The following NUMA1 variants were observed in gnomAD, a reference collection of about 807,000 sequenced individuals.
The protein encoded by NUMA1 is nuclear mitotic apparatus protein 1.
A neutral mutation model predicts 237.1 loss-of-function variants in NUMA1; 62 were observed. That is an observed-to-expected ratio of 0.26 (90% CI 0.21 to 0.32). NUMA1 has a LOEUF of 0.32. NUMA1 is among the 10% of genes least tolerant of loss of function. The pLI, the probability that NUMA1 is intolerant of heterozygous loss-of-function variation, is 1.00. For missense variants in NUMA1, 2,533 were observed against 2,666.5 expected, an observed-to-expected ratio of 0.95 and a Z score of 1.10; for synonymous variants, 1,028 against 1,066.1, an observed-to-expected ratio of 0.96 and a Z score of 0.70.
rs1298287448 is a variant in NUMA1, at chr11:72,003,135, A to AC, written c.*391dup. ...GTGAGGGCCCCTGCTGGGCCCAGCC[A>AC]CCAGGACAGCAGGAACCAGGGCCTA... is the stretch of plus-strand genomic sequence containing the variant. On this transcript the variant is annotated 3_prime_UTR_variant, in exon 27 of 27. Transcript: ENST00000393695. 2 of 279,958 alleles carry AC rather than the reference A, an allele frequency of 7.1e-6. No individual in the cohort carries two copies. Among genetic ancestry groups the AC allele is most frequent in the African/African-American group, 4.3e-5 (2 of 46,628 alleles). 17.3% of individuals were successfully genotyped at this position (279,958 alleles called of 1,614,324 possible). A position where few individuals can be genotyped will look rare whatever the true frequency, so the allele number is the denominator to read the frequency against.
rs543437155 is a variant in NUMA1 at position 72,027,880 on chromosome 11, C to A, written c.128+1325G>T. 4.9e-4 allele frequency among the ~76,000 whole-genome samples: 75 copies of A among 152,204 alleles called. 1 individual carries two copies. The highest frequency in any genetic ancestry group is 6.2e-4 in the South Asian group (3 of 4,816). ...GGATGTGAGCAGAGAGGATGATGAC[C>A]AATTAGAGATCAGCGCCAAGGAGAC... On this transcript the variant is annotated intron_variant, in intron 4 of 26. Transcript: ENST00000393695.
chr11:72,010,862 G>A lies in NUMA1; in HGVS notation c.4651-8C>T, dbSNP rs764575178. 14 of 1,612,984 alleles carry A rather than the reference G, an allele frequency of 8.7e-6. No individual in the cohort carries two copies. Among genetic ancestry groups the A allele is most frequent in the Admixed American group, 1.7e-5 (1 of 59,996 alleles). On this transcript the variant is annotated splice_polypyrimidine_tract_variant and splice_region_variant and intron_variant, in intron 16 of 26. Coordinates refer to ENST00000393695, the MANE Select transcript of NUMA1 (RefSeq NM_006185.4). ...CTTACTCAGTTCTTCCACCTGGGGAGGGAAGAGGAGGACAGAAGACTCAGG... is the reference window on the plus strand; with the variant it reads ...CTTACTCAGTTCTTCCACCTGGGGAAGGAAGAGGAGGACAGAAGACTCAGG...
intron 14 of NUMA1, 49 bp downstream of exon 14, chr11:72,016,359 G>GT (rs1340871959): frequency 6.2e-7 from 1 of 1,605,582 alleles, no homozygotes; most frequent in Admixed American, 1.7e-5. Context: ...TGTACTGAAT[G>GT]TGAGTCCACA....
intron 2 of NUMA1, among the ~76,000 whole-genome samples, chr11:72,058,418 T>C (rs1353213296): frequency 6.6e-6 from 1 of 152,188 alleles, no homozygotes; most frequent in Non-Finnish European, 1.5e-5. Context: ...CATCAATAAC[T>C]AAAATTCTAA....
At chr11:72,048,227 G>A (rs980503558) in intron 2 of NUMA1, among the ~76,000 whole-genome samples, 2 of 152,138 alleles carry the variant, frequency 1.3e-5, no homozygotes, top group Non-Finnish European at 2.9e-5. Flanking sequence ...CTCCCGAGTA[G>A]CTGGGATAAT....
At chr11:72,022,532 T>A in intron 6 of NUMA1, 113 bp from the exon 7 acceptor site, 1 of 672,226 alleles carries the variant, frequency 1.5e-6, no homozygotes, top group Non-Finnish European at 2.6e-6. Context: ...CTAAAAGTCC[T>A]GGAATTCAGC....
intron 3 of NUMA1, among the ~76,000 whole-genome samples, chr11:72,034,505 G>C (rs1472787703): frequency 6.6e-6 from 1 of 151,864 alleles, no homozygotes; most frequent in Non-Finnish European, 1.5e-5. Flanking sequence ...TCAGGAGATC[G>C]AGACCATCCT....
Position 72,014,782 on chromosome 11 carries a change from T to C in NUMA1, c.2721A>G (p.Glu907=), listed in dbSNP as rs774047056. The C allele has an allele frequency of 1.6e-5, 26 of 1,614,072 alleles. No homozygotes were observed. The highest frequency in any genetic ancestry group is 5.1e-6 in the Non-Finnish European group (6 of 1,180,038). Residue 907 remains glutamate (E), a synonymous_variant, in exon 15 of 27, where the codon GAA becomes GAG. Transcript: ENST00000393695. The surrounding 1 kb of genome is among the most constrained non-coding windows in gnomAD (Gnocchi z 4.6). The part of the protein sequence containing the change: ...KLADDLSTLQ[E]KMAATSKEVA... ...CCTCTTTGCTGGTGGCAGCCATCTT[T>C]TCCTGCAGAGTGGAGAGGTCATCTG...
At position 72,016,479 on chromosome 11, in the gene NUMA1, C is replaced by T; in HGVS notation, c.1171G>A (p.Glu391Lys). Residue 391 changes from glutamate (E) to lysine (K), a missense_variant, in exon 14 of 27, where the codon GAA becomes AAA. Coordinates refer to ENST00000393695, the MANE Select transcript of NUMA1 (RefSeq NM_006185.4). Reference sequence around the variant, plus strand: ...TCCTGCAGCTGGGACAAGTGTTCTTCCAGCTGTGAAAGTTTTCCCTGAAGG... The same window carrying T: ...TCCTGCAGCTGGGACAAGTGTTCTTTCAGCTGTGAAAGTTTTCCCTGAAGG... ...EILQGKLSQL[E>K]EHLSQLQDNP... 6.2e-7 allele frequency: 1 copy of T among 1,614,090 alleles called. No homozygotes were observed. Among genetic ancestry groups the T allele is most frequent in the Non-Finnish European group, 8.5e-7 (1 of 1,180,046 alleles).
intron 6 of NUMA1, 102 bp from the exon 7 acceptor site, chr11:72,022,521 T>G: frequency 1.4e-6 from 1 of 723,680 alleles, no homozygotes; most frequent in Non-Finnish European, 2.4e-6. Flanking sequence ...CGGTGACTCT[T>G]CTAAAAGTCC....
intron 2 of NUMA1, among the ~76,000 whole-genome samples, chr11:72,043,806 C>A (rs1941837393): frequency 6.6e-6 from 1 of 151,970 alleles, no homozygotes; most frequent in Non-Finnish European, 1.5e-5. Flanking sequence ...AAATTAGTGT[C>A]TTTTTTAGTG....
At chr11:72,030,724 A>C (rs1344986963) in intron 3 of NUMA1, among the ~76,000 whole-genome samples, 2 of 152,216 alleles carry the variant, frequency 1.3e-5, no homozygotes, top group Non-Finnish European at 2.9e-5. Context: ...GCTTTAAGAA[A>C]CAAGGTATTT....
chr11:72,075,512 C>T (rs1565300891), intron 1 of NUMA1, among the ~76,000 whole-genome samples: 1 of 152,194 alleles, frequency 6.6e-6, no homozygotes, highest in Non-Finnish European at 1.5e-5. Context: ...CCTGAGAAAC[C>T]AGCAGCACCA....
rs12293529 is a variant in NUMA1 at position 72,044,605 on chromosome 11, G to T, written c.-32-8630C>A. 2.7e-4 allele frequency among the ~76,000 whole-genome samples: 41 copies of T among 151,306 alleles called. 1 individual carries two copies. The highest frequency in any genetic ancestry group is 1.2e-3 in the East Asian group (6 of 5,152). On this transcript the variant is annotated intron_variant, in intron 2 of 26. Transcript: ENST00000393695. Reference sequence around the variant, plus strand: ...TAACAGTTAACAGGGGTTACTTTGGGGGGGGGGAGGAGTTAGATTGTAGGG... The same window carrying T: ...TAACAGTTAACAGGGGTTACTTTGGTGGGGGGGAGGAGTTAGATTGTAGGG...
Position 72,003,869 on chromosome 11 carries a change from T to C in NUMA1, c.6336+18A>G, listed in dbSNP as rs750247937. 1 of 1,612,502 alleles carries C rather than the reference T, an allele frequency of 6.2e-7. No homozygotes were observed. On this transcript the variant is annotated intron_variant, in intron 26 of 26. Coordinates refer to ENST00000393695, the MANE Select transcript of NUMA1 (RefSeq NM_006185.4). ...GCTCTCATCGGGTTTCCCTCCCCCA[T>C]CCTGCCAGTGCCTCTACCTTGCCCT...
intron 2 of NUMA1, chr11:72,049,560 A>ATATATATATATATATATATATAGAT (rs59229987): frequency 2.4e-5 from 1 of 41,004 alleles, no homozygotes; most frequent in East Asian, 6.7e-4. Flanking sequence ...AAATAATAAT[A>ATATATATATATATATATATATAGAT]ATATATATAT....
At chr11:72,009,540 G>A (rs997372236) in intron 17 of NUMA1, among the ~76,000 whole-genome samples, 153 bp from the exon 18 acceptor site, 3 of 152,170 alleles carry the variant, frequency 2.0e-5, no homozygotes, top group African/African-American at 4.8e-5. Context: ...CTCTCTGCCC[G>A]ACTACAGTCT....
chr11:72,019,809 A>C (rs1256744872), intron 8 of NUMA1, among the ~76,000 whole-genome samples, 192 bp from the exon 9 acceptor site: 1 of 152,192 alleles, frequency 6.6e-6, no homozygotes, highest in Non-Finnish European at 1.5e-5. Context: ...CCGTGTCTCT[A>C]ACCAAAATGA....
At chr11:72,019,304 A>G (rs1000963098) in intron 9 of NUMA1, among the ~76,000 whole-genome samples, 190 bp downstream of exon 9, 3 of 152,168 alleles carry the variant, frequency 2.0e-5, no homozygotes, top group Non-Finnish European at 4.4e-5. Flanking sequence ...CTTTTGAGGG[A>G]GGCCTTCTGC....
Sources: gnomAD v4.1 joint callset for allele counts (sites outside exome capture counted in the v4.1 genomes callset) on GRCh38, gnomAD v4.1.1 for gene constraint, Gnocchi (gnomAD v3.1) non-coding constraint, MANE v1.5 for transcripts, NCBI Gene and HGNC (gene_info 2026-07-23, HGNC 2026-07-21) for gene names.